The following TPRG1 variants were observed in gnomAD, a reference collection of about 807,000 sequenced individuals.
The protein encoded by TPRG1 is tumor protein p63-regulated gene 1 protein.
Under a neutral mutation model 29.3 loss-of-function variants are expected in TPRG1, and 29 were observed. That is an observed-to-expected ratio of 0.99 (90% CI 0.74 to 1.35). The LOEUF is 1.35. TPRG1 is among the 40% of genes most tolerant of loss of function. The probability of loss-of-function intolerance (pLI) is 0.00; values close to 1 mark genes in which losing one functional copy is unlikely to be tolerated. For missense variants in TPRG1, 327 were observed against 335.0 expected, an observed-to-expected ratio of 0.98 and a Z score of 0.19; for synonymous variants, 130 against 116.8, an observed-to-expected ratio of 1.11 and a Z score of -0.73.
At position 189,239,607 on chromosome 3, in the gene TPRG1, A is replaced by G. The variant is rs553695397; in HGVS notation, c.479+698A>G. Among the ~76,000 whole-genome samples the G allele has an allele frequency of 7.2e-5, 11 of 152,352 alleles. No individual in the cohort carries two copies. In the East Asian group the frequency reaches 2.1e-3, roughly 29 times the overall value. On this transcript the variant is annotated intron_variant, in intron 4 of 5. Coordinates refer to ENST00000345063, the MANE Select transcript of TPRG1 (RefSeq NM_198485.4). The stretch of plus-strand genomic sequence containing the variant: ...AGAAACACTTGAGCCAATATTTAAT[A>G]TTGGGCAGGAGTTAGCCAAAGAAGG...
At chr3:189,194,405 C>T (rs1181759933) in intron 1 of TPRG1, among the ~76,000 whole-genome samples, 1 of 152,190 alleles carries the variant, frequency 6.6e-6, no homozygotes. Flanking sequence ...TACAGGTAAT[C>T]ATAGCAGCTG....
At chr3:189,113,389 C>A (rs535125595) in intron 1 of TPRG1, among the ~76,000 whole-genome samples, 2,805 of 152,138 alleles carry the variant, frequency 0.018, 99 homozygotes, top group African/African-American at 0.061. Flanking sequence ...GCCTAATTGC[C>A]CTGGCCAGAA....
intron 5 of TPRG1, among the ~76,000 whole-genome samples, chr3:189,161,426 G>C (rs1034420973): frequency 2.5e-4 from 38 of 151,884 alleles, no homozygotes; most frequent in African/African-American, 8.7e-4. Flanking sequence ...ATGCATATTA[G>C]ATTGCTTATT....
intron 4 of TPRG1, among the ~76,000 whole-genome samples, chr3:189,068,370 C>T (rs188693862): frequency 6.6e-5 from 10 of 152,092 alleles, no homozygotes; most frequent in Non-Finnish European, 1.2e-4. Context: ...TCACAACATG[C>T]GCTATTTGCA....
chr3:189,159,834 T>TTGTGTGTGTGTGTGTG (rs779237990), intron 5 of TPRG1, among the ~76,000 whole-genome samples: 6 of 95,408 alleles, frequency 6.3e-5, no homozygotes, highest in Non-Finnish European at 1.1e-4. Flanking sequence ...CATGGAGTGT[T>TTGTGTGTGTGTGTGTG]TGTGTATGTG....
At chr3:189,217,369 G>A (rs1355263906) in intron 3 of TPRG1, among the ~76,000 whole-genome samples, 2 of 152,070 alleles carry the variant, frequency 1.3e-5, no homozygotes. Context: ...TTTGTTTTGT[G>A]GTACCTATTT....
intron 1 of TPRG1, among the ~76,000 whole-genome samples, chr3:189,105,255 T>C (rs966577272): frequency 6.6e-6 from 1 of 152,130 alleles, no homozygotes; most frequent in Non-Finnish European, 1.5e-5. Context: ...TTCAATGGTA[T>C]GTCTCAGTGC....
In TPRG1 at chr3:189,307,503, T is replaced by C. The variant is rs1254634337; in HGVS notation, c.480-2883T>C. ...AACTGACTGGGATCCGTAGGCAGGCTTTTTTCACCCATGAATGATGACAGC... is the reference window on the plus strand; with the variant it reads ...AACTGACTGGGATCCGTAGGCAGGCCTTTTTCACCCATGAATGATGACAGC... On this transcript the variant is annotated intron_variant, in intron 4 of 5. Transcript: ENST00000345063. Among the ~76,000 whole-genome samples the C allele has an allele frequency of 2.0e-5, 3 of 152,236 alleles. No homozygotes were observed. In the East Asian group the frequency reaches 5.8e-4, roughly 29 times the overall value.
At chr3:189,085,454 T>TGTGTGTGCGTGC (rs560302678) in intron 4 of TPRG1, among the ~76,000 whole-genome samples, 24 of 151,980 alleles carry the variant, frequency 1.6e-4, no homozygotes, top group African/African-American at 5.8e-4. Flanking sequence ...TGCATGTGTG[T>TGTGTGTGCGTGC]GTGTGTGTGT....
At chr3:189,295,046 A>G (rs978165315) in intron 4 of TPRG1, among the ~76,000 whole-genome samples, 2 of 152,128 alleles carry the variant, frequency 1.3e-5, no homozygotes, top group Non-Finnish European at 2.9e-5. Context: ...TCCCACATTC[A>G]CGCCTTTGTT....
rs150653562 is a variant in TPRG1, at chr3:189,090,791, T to C, written c.-462-36266T>C. ...TTTAGGTATATCTTTTATAATAACT[T>C]ATTGCTAAGCTTTATTCTTTTCTTT... On this transcript the variant is annotated intron_variant, in intron 4 of 10. Transcript: ENST00000433971. Among the ~76,000 whole-genome samples the C allele has an allele frequency of 3.3e-5, 5 of 152,230 alleles. No individual in the cohort carries two copies. The East Asian group carries it at 9.6e-4, about 29-fold the overall frequency.
intron 3 of TPRG1, among the ~76,000 whole-genome samples, chr3:189,142,268 G>A (rs951284219): frequency 5.3e-5 from 8 of 152,078 alleles, no homozygotes; most frequent in African/African-American, 1.9e-4. Flanking sequence ...GGAAAGCTGG[G>A]CCAGGTCATA....
At chr3:189,185,749 C>G (rs1312246104) in intron 1 of TPRG1, among the ~76,000 whole-genome samples, 4 of 152,126 alleles carry the variant, frequency 2.6e-5, no homozygotes, top group Admixed American at 6.5e-5. Flanking sequence ...ATCTTTTAAA[C>G]CTTCTCCTTC....
intron 3 of TPRG1, among the ~76,000 whole-genome samples, chr3:189,224,931 C>CTTT (rs139957231): frequency 5.5e-5 from 7 of 126,980 alleles, no homozygotes; most frequent in East Asian, 2.3e-4. Context: ...CTTCCTTTTT[C>CTTT]TTTTTTTTTT....
chr3:189,023,194 C>G (rs1430319415), intron 3 of TPRG1, among the ~76,000 whole-genome samples: 2 of 152,234 alleles, frequency 1.3e-5, no homozygotes, highest in Non-Finnish European at 2.9e-5. Context: ...TCTTCTGCGT[C>G]GCTCACGCTG....
At position 189,247,842 on chromosome 3, in the gene TPRG1, T is replaced by C. The variant is rs187181112; in HGVS notation, c.479+8933T>C. Among the ~76,000 whole-genome samples the C allele has an allele frequency of 5.1e-3, 769 of 152,078 alleles. 3 individuals carry two copies. Among genetic ancestry groups the C allele is most frequent in the Middle Eastern group, 0.031 (9 of 294 alleles). ...GAAACATTTTGGCAGGTTCAAGGTA[T>C]GAATACTACCTGGAATTAGTATATA... On this transcript the variant is annotated intron_variant, in intron 4 of 5. Transcript: ENST00000345063.
chr3:189,033,812 G>A (rs1459829028), intron 4 of TPRG1, among the ~76,000 whole-genome samples: 1 of 152,002 alleles, frequency 6.6e-6, no homozygotes, highest in Non-Finnish European at 1.5e-5. Context: ...TCCTGACCTC[G>A]TGATCCACCT....
intron 4 of TPRG1, among the ~76,000 whole-genome samples, chr3:189,304,338 A>G (rs572086669): frequency 6.6e-6 from 1 of 152,280 alleles, no homozygotes; most frequent in Non-Finnish European, 1.5e-5. Context: ...ATTCTCACTC[A>G]AGGTTTTTAC....
chr3:189,206,589 T>C (rs569146139), intron 1 of TPRG1, among the ~76,000 whole-genome samples: 2 of 151,534 alleles, frequency 1.3e-5, no homozygotes, highest in Admixed American at 1.3e-4. Flanking sequence ...CAACTTCCAC[T>C]TCCTGTGCTC....
Sources: allele counts gnomAD v4.1 joint callset (sites outside exome capture counted in the v4.1 genomes callset), GRCh38; gene constraint gnomAD v4.1.1; transcripts MANE v1.5; gene names NCBI Gene and HGNC (gene_info 2026-07-23, HGNC 2026-07-21).